Variants in MAMDC2 observed in about 807,000 individuals in gnomAD.
The protein encoded by MAMDC2 is MAM domain-containing protein 2.
MAMDC2 carries 57 observed loss-of-function variants against 89.8 expected under a neutral mutation model. The observed-to-expected ratio is 0.63, with a 90% CI of 0.51 to 0.79. The LOEUF is 0.79. MAMDC2 is among the 30% of genes least tolerant of loss of function. The pLI is 0.00. For missense variants in MAMDC2, 800 were observed against 820.6 expected (o/e 0.97, Z 0.31); for synonymous variants, 313 against 293.4 (o/e 1.07, Z -0.68).
intron 2 of MAMDC2, among the ~76,000 whole-genome samples, chr9:70,063,825 G>A (rs567392026): frequency 3.4e-4 from 52 of 152,108 alleles, no homozygotes; most frequent in African/African-American, 1.2e-3. Context: ...TAAGAAAATT[G>A]GGGCTCAAAT....
rs1826701153 is a variant in MAMDC2, at chr9:70,044,650, G to C, written c.101G>C (p.Gly34Ala). The C allele has an allele frequency of 3.9e-6, 6 of 1,551,570 alleles. No homozygotes were observed. Among genetic ancestry groups the C allele is most frequent in the Admixed American group, 2.0e-5 (1 of 50,996 alleles). Residue 34 changes from glycine (G) to alanine (A), a missense_variant, in exon 2 of 14, where the codon GGC (glycine) becomes GCC (alanine). Transcript: ENST00000377182. The stretch of plus-strand genomic sequence containing the variant: ...TGTGCCTTTGAAGAGAGCACTTGCG[G>C]CTTTGACTCCGTGTTGGCCTCTCTG... ...GSCAFEESTC[G>A]FDSVLASLPW...
At chr9:70,091,447 T>G (rs1405175233) in intron 2 of MAMDC2, among the ~76,000 whole-genome samples, 2 of 152,184 alleles carry the variant, frequency 1.3e-5, no homozygotes, top group Non-Finnish European at 2.9e-5. Context: ...TCTAAAATAC[T>G]CTTTTCACAG....
At chr9:70,083,176 G>T (rs1316600795) in intron 2 of MAMDC2, among the ~76,000 whole-genome samples, 39 of 152,240 alleles carry the variant, frequency 2.6e-4, no homozygotes, top group Non-Finnish European at 8.8e-5. Context: ...AGCAGTGGCT[G>T]CTATTGTCTC....
intron 11 of MAMDC2, among the ~76,000 whole-genome samples, chr9:70,181,076 C>T (rs2032635805): frequency 6.6e-6 from 1 of 152,184 alleles, no homozygotes; most frequent in African/African-American, 2.4e-5. Flanking sequence ...ATATGGCTAG[C>T]CAGTTTTCCC....
At chr9:70,093,906 C>T (rs775271146) in intron 2 of MAMDC2, 58 of 152,164 alleles carry the variant, frequency 3.8e-4, no homozygotes, top group African/African-American at 1.3e-3. Flanking sequence ...GTGAAGCTCC[C>T]TTTCCAAATA....
chr9:70,078,916 G>A (rs1827595897), intron 2 of MAMDC2, among the ~76,000 whole-genome samples: 1 of 152,090 alleles, frequency 6.6e-6, no homozygotes, highest in Admixed American at 6.6e-5. Context: ...CCTTCCCTTA[G>A]GAATTCTACC....
At position 70,170,610 on chromosome 9, in the gene MAMDC2, G is replaced by A. The variant is rs1370785689; in HGVS notation, c.1630G>A (p.Gly544Arg). Reference sequence around the variant, plus strand: ...TCCCACTTCCTACACAGGACCAAAGGGAGATCACACTACTGGGGTAGGTGA... The same window carrying A: ...TCCCACTTCCTACACAGGACCAAAGAGAGATCACACTACTGGGGTAGGTGA... ...ETPTSYTGPKGDHTTGVGYYM... is the reference protein window; with the variant it reads ...ETPTSYTGPKRDHTTGVGYYM... The change falls in exon 11 of 14, where the codon GGA (glycine) becomes AGA (arginine). Residue 544 changes from glycine to arginine, a missense_variant. Transcript: ENST00000377182. 4 of 1,609,420 alleles carry A rather than the reference G, an allele frequency of 2.5e-6. No individual in the cohort carries two copies. Among genetic ancestry groups the A allele is most frequent in the South Asian group, 2.2e-5 (2 of 90,338 alleles).
At chr9:70,154,251 A>C (rs1286783284) in intron 9 of MAMDC2, 1 of 152,220 alleles carries the variant, frequency 6.6e-6, no homozygotes, top group Non-Finnish European at 1.5e-5. Context: ...TCTGGAACAG[A>C]GTGGGTTCTC....
At chr9:70,066,804 G>A (rs1827276511) in intron 2 of MAMDC2, among the ~76,000 whole-genome samples, 1 of 152,230 alleles carries the variant, frequency 6.6e-6, no homozygotes, top group African/African-American at 2.4e-5. Flanking sequence ...GTAGAGATAA[G>A]TGGGAAGTGG....
At chr9:70,177,106 C>T (rs1443121452) in intron 11 of MAMDC2, among the ~76,000 whole-genome samples, 1 of 152,142 alleles carries the variant, frequency 6.6e-6, no homozygotes, top group Non-Finnish European at 1.5e-5. Context: ...TCTCAGCAAC[C>T]TCAGATTTTT....
At chr9:70,157,265 G>A (rs1258974303) in intron 9 of MAMDC2, among the ~76,000 whole-genome samples, 1 of 151,982 alleles carries the variant, frequency 6.6e-6, no homozygotes, top group Non-Finnish European at 1.5e-5. Context: ...TTTGATGCTC[G>A]CATTGAGATT....
At chr9:70,210,977 T>C (rs1432965738) in intron 11 of MAMDC2, among the ~76,000 whole-genome samples, 1 of 152,230 alleles carries the variant, frequency 6.6e-6, no homozygotes, top group Non-Finnish European at 1.5e-5. Context: ...TTCTGGCTTG[T>C]AGAGTTTCTG....
Position 70,123,634 on chromosome 9 carries a change from T to G in MAMDC2, c.644-2525T>G, listed in dbSNP as rs113950906. Reference sequence around the variant, plus strand: ...CTTAGAATGTGACCTTGCTTGGACATAGATGGGTGCAGAGGTCATTAGCTA... The same window carrying G: ...CTTAGAATGTGACCTTGCTTGGACAGAGATGGGTGCAGAGGTCATTAGCTA... On this transcript the variant is annotated intron_variant, in intron 5 of 13. Transcript: ENST00000377182. Among the ~76,000 whole-genome samples the G allele has an allele frequency of 2.2e-3, 340 of 152,230 alleles. 2 individuals carry two copies. The highest frequency in any genetic ancestry group is 7.8e-3 in the African/African-American group (322 of 41,524).
At chr9:70,154,356 A>C (rs964645566) in intron 9 of MAMDC2, 1 of 152,184 alleles carries the variant, frequency 6.6e-6, no homozygotes, top group African/African-American at 2.4e-5. Flanking sequence ...TCAAAGGAAA[A>C]AGGAAGATTA....
At chr9:70,128,886 A>G (rs1455406542) in intron 6 of MAMDC2, among the ~76,000 whole-genome samples, 1 of 152,190 alleles carries the variant, frequency 6.6e-6, no homozygotes, top group Non-Finnish European at 1.5e-5. Context: ...CAAACTCCTG[A>G]GCTCAAATGA....
At chr9:70,049,395 A>C (rs1250890397) in intron 2 of MAMDC2, among the ~76,000 whole-genome samples, 1 of 152,074 alleles carries the variant, frequency 6.6e-6, no homozygotes, top group Non-Finnish European at 1.5e-5. Context: ...AACAGTGATG[A>C]ATCCTGCCTG....
chr9:70,225,978 T>C lies in MAMDC2; in HGVS notation c.2007T>C (p.Asp669=), dbSNP rs1379924731. The C allele has an allele frequency of 6.3e-7, 1 of 1,580,318 alleles. No individual in the cohort carries two copies. The highest frequency in any genetic ancestry group is 8.6e-7 in the Non-Finnish European group (1 of 1,158,140). The change falls in exon 14 of 14, where the codon GAT becomes GAC. Residue 669 remains aspartate (D), a synonymous_variant. Transcript: ENST00000377182. ...FQAGPCGEME[D]TTQQSSGYSE... is the part of the protein sequence containing the mutation. ...TGTCTTTCCTGACAGAAATGGAAGA[T>C]ACAACTCAACAATCATCAGGATATT... is the stretch of plus-strand genomic sequence containing the variant.
At chr9:70,101,715 T>C (rs1174936041) in intron 2 of MAMDC2, among the ~76,000 whole-genome samples, 1 of 152,210 alleles carries the variant, frequency 6.6e-6, no homozygotes, top group Admixed American at 6.5e-5. Flanking sequence ...GTTCATGAAG[T>C]ACACTCTATA....
At chr9:70,051,992 C>CAGGTAAAAAAAA (rs1826915576) in intron 2 of MAMDC2, among the ~76,000 whole-genome samples, 1 of 152,032 alleles carries the variant, frequency 6.6e-6, no homozygotes, top group Non-Finnish European at 1.5e-5. Flanking sequence ...GAAATTAAAA[C>CAGGTAAAAAAAA]AGGTAAAAAA....
Sources: gnomAD v4.1 joint callset for allele counts (sites outside exome capture counted in the v4.1 genomes callset) on GRCh38, gnomAD v4.1.1 for gene constraint, MANE v1.5 for transcripts, NCBI Gene and HGNC (gene_info 2026-07-23, HGNC 2026-07-21) for gene names.